The following ZNF724 variants were observed in gnomAD, a reference collection of about 807,000 sequenced individuals.
ZNF724 encodes zinc finger protein 724 pseudogene.
Under a neutral mutation model 29.3 loss-of-function variants are expected in ZNF724, and 14 were observed. The ratio of observed to expected loss-of-function variants is 0.48; its 90% CI spans 0.32 to 0.75. The LOEUF is 0.75. Ranked by LOEUF, ZNF724 falls within the 30% of genes least tolerant of loss-of-function variation. ZNF724 has a pLI of 0.04. For synonymous variants in ZNF724, 180 were observed against 193.6 expected, an observed-to-expected ratio of 0.93 and a Z score of 0.58; for missense variants, 557 against 571.2, an observed-to-expected ratio of 0.98 and a Z score of 0.25.
intron 1 of ZNF724, among the ~76,000 whole-genome samples, chr19:23,240,040 C>T (rs778528839): frequency 8.6e-5 from 13 of 151,990 alleles, no homozygotes; most frequent in Non-Finnish European, 1.8e-4. Context: ...GGCCAGGTGC[C>T]GTGACTCATG....
chr19:23,222,990 C>T lies in ZNF724; in HGVS notation c.1255G>A (p.Glu419Lys), dbSNP rs756403388. The part of the protein sequence containing the change: ...LTTHKRIHTG[E>K]KPYKCEECGK... ...CATTCTTCACATTTGTAGGGTTTCTCTCCGGTATGAATTCTTTTATGTGTG... is the reference window on the plus strand; with the variant it reads ...CATTCTTCACATTTGTAGGGTTTCTTTCCGGTATGAATTCTTTTATGTGTG... Residue 419 changes from glutamate (E) to lysine (K), a missense_variant, in exon 4 of 4, where the codon GAG becomes AAG. Around this residue, in one of 3 missense-constraint regions of ZNF724, gnomAD observed 362 missense variants for 295.5 expected, o/e 1.22. Transcript: ENST00000418100. 17 of 1,375,560 alleles carry T rather than the reference C, an allele frequency of 1.2e-5. No homozygotes were observed. The highest frequency in any genetic ancestry group is 1.8e-4 in the Middle Eastern group (1 of 5,620). 85.2% of individuals were successfully genotyped at this position (1,375,560 alleles called of 1,614,324 possible). A position where few individuals can be genotyped will look rare whatever the true frequency, so the allele number is the denominator to read the frequency against.
Position 23,231,347 on chromosome 19 carries a change from T to C in ZNF724, c.145A>G (p.Lys49Glu), listed in dbSNP as rs761642560. 3.6e-6 allele frequency: 5 copies of C among 1,383,650 alleles called. No homozygotes were observed. In the South Asian group the frequency reaches 4.7e-5, roughly 13 times the overall value. 85.7% of individuals were successfully genotyped at this position (1,383,650 alleles called of 1,614,324 possible). A position where few individuals can be genotyped will look rare whatever the true frequency, so the allele number is the denominator to read the frequency against. Reference sequence around the variant, plus strand: ...TCCAGACAGGTGATCAGGTCTGGCTTAGAGACAGCAATACCTGTTTTATTA... The same window carrying C: ...TCCAGACAGGTGATCAGGTCTGGCTCAGAGACAGCAATACCTGTTTTATTA... ...NLVFLGIAVS[K>E]PDLITCLEQG... Residue 49 changes from lysine (K) to glutamate (E), a missense_variant, in exon 3 of 4, where the codon AAG becomes GAG. Transcript: ENST00000418100.
intron 3 of ZNF724, among the ~76,000 whole-genome samples, chr19:23,228,032 C>G (rs1434053640): frequency 6.6e-6 from 1 of 152,142 alleles, no homozygotes; most frequent in Non-Finnish European, 1.5e-5. Context: ...AGCCAAGCAT[C>G]ATGTCTCACA....
At chr19:23,249,644 C>G (rs1389956681) in intron 1 of ZNF724, among the ~76,000 whole-genome samples, 1 of 152,088 alleles carries the variant, frequency 6.6e-6, no homozygotes, top group Non-Finnish European at 1.5e-5. Flanking sequence ...CGTAATCCGC[C>G]CACCTCGGCC....
chr19:23,231,826 C>T (rs1199251845), intron 2 of ZNF724, among the ~76,000 whole-genome samples: 2 of 151,894 alleles, frequency 1.3e-5, no homozygotes, highest in Non-Finnish European at 2.9e-5. Context: ...CTCCATCTCC[C>T]GGGTTCAAGT....
At chr19:23,227,555 C>CAAAAAAAA (rs1370441801) in intron 3 of ZNF724, among the ~76,000 whole-genome samples, 1,177 of 75,856 alleles carry the variant, frequency 0.016, 74 homozygotes, top group African/African-American at 0.048. Context: ...GGCTCCATCT[C>CAAAAAAAA]AAAAAAAAAA....
rs1198571467 is a variant in ZNF724, at chr19:23,223,887, C to T, written c.358G>A (p.Val120Met). The change falls in exon 4 of 4, where the codon GTG becomes ATG. Residue 120 changes from valine (V) to methionine (M), a missense_variant. Coordinates refer to ENST00000418100, the MANE Select transcript of ZNF724 (RefSeq NM_001355404.2). ...CCTTTGTGCACCTTGTACTCATCCA[C>T]ACTTTTATAGCCTTTTTTTAACTGT... ...NLQLKKGYKS[V>M]DEYKVHKGSY... The T allele has an allele frequency of 3.9e-6, 3 of 777,894 alleles. No individual in the cohort carries two copies. Among genetic ancestry groups the T allele is most frequent in the South Asian group, 1.3e-5 (1 of 74,176 alleles). 48.2% of individuals were successfully genotyped at this position (777,894 alleles called of 1,614,324 possible). A position where few individuals can be genotyped will look rare whatever the true frequency, so the allele number is the denominator to read the frequency against.
intron 3 of ZNF724, among the ~76,000 whole-genome samples, chr19:23,227,938 G>A (rs755188288): frequency 6.6e-5 from 10 of 151,936 alleles, no homozygotes; most frequent in Non-Finnish European, 7.4e-5. Context: ...TTAGTTTGAC[G>A]GAAAAATAAA....
chr19:23,226,011 G>T (rs1369194029), intron 3 of ZNF724, among the ~76,000 whole-genome samples: 1 of 149,428 alleles, frequency 6.7e-6, no homozygotes, highest in African/African-American at 2.5e-5. Context: ...CCCACCCCAT[G>T]CCTGGTTATT....
At position 23,249,404 on chromosome 19, in the gene ZNF724, C is replaced by CTT. The variant is rs34604063; in HGVS notation, c.3+834_3+835dup. 6.2e-3 allele frequency among the ~76,000 whole-genome samples: 907 copies of CTT among 146,124 alleles called. 4 individuals carry two copies. The highest frequency in any genetic ancestry group is 9.5e-3 in the Non-Finnish European group (630 of 66,544). ...TACAAGCATGCGCCACTATGCCCGGCTTTTTTTTTTTGAGACAGAGTCAAG... is the reference window on the plus strand; with the variant it reads ...TACAAGCATGCGCCACTATGCCCGGCTTTTTTTTTTTTTGAGACAGAGTCAAG... On this transcript the variant is annotated intron_variant, in intron 1 of 3. Transcript: ENST00000418100.
chr19:23,228,628 G>A (rs1214104745), intron 3 of ZNF724, among the ~76,000 whole-genome samples: 4 of 151,890 alleles, frequency 2.6e-5, no homozygotes, highest in Non-Finnish European at 5.9e-5. Flanking sequence ...GGCCGGGCAC[G>A]ATGGCTCACA....
chr19:23,223,984 T>A lies in ZNF724; in HGVS notation c.261A>T (p.Pro87=). The A allele has an allele frequency of 1.4e-6, 1 of 695,394 alleles. No homozygotes were observed. Among genetic ancestry groups the A allele is most frequent in the Non-Finnish European group, 2.6e-6 (1 of 383,986 alleles). The allele number at this position is 695,394 out of a possible 1,614,324, so 43.1% of individuals were successfully genotyped here. A position where few individuals can be genotyped will look rare whatever the true frequency, so the allele number is the denominator to read the frequency against. ...GCAAAGAAGCTTTTATGCTCTGCTC[T>A]GGCCGAAGGTCTTGGGCAAAATAAC... The part of the protein sequence containing the change: ...MCCYFAQDLR[P]EQSIKASLQR... Residue 87 remains proline, a synonymous_variant, in exon 4 of 4, where the codon CCA becomes CCT. Coordinates refer to ENST00000418100, the MANE Select transcript of ZNF724 (RefSeq NM_001355404.2).
rs569544800 is a variant in ZNF724 at position 23,232,120 on chromosome 19, G to A, written c.130+47C>T. 4.2e-5 allele frequency: 52 copies of A among 1,229,866 alleles called. No individual in the cohort carries two copies. In the South Asian group the frequency reaches 4.7e-4, roughly 11 times the overall value. 76.2% of individuals were successfully genotyped at this position (1,229,866 alleles called of 1,614,324 possible). The stretch of plus-strand genomic sequence containing the variant: ...AAAAACATCCTACAAAAAAACAAAC[G>A]AAATATTTAGGGTAGATTAGGAATT... On this transcript the variant is annotated intron_variant, in intron 2 of 3. Coordinates refer to ENST00000418100, the MANE Select transcript of ZNF724 (RefSeq NM_001355404.2).
At chr19:23,232,016 C>T (rs1399423785) in intron 2 of ZNF724, 151 bp downstream of exon 2, 2 of 734,178 alleles carry the variant, frequency 2.7e-6, no homozygotes, top group Non-Finnish European at 4.5e-6. Context: ...GGATTACAGG[C>T]ATAAGCCACC....
At chr19:23,227,060 C>T in intron 3 of ZNF724, among the ~76,000 whole-genome samples, 1 of 152,092 alleles carries the variant, frequency 6.6e-6, no homozygotes, top group Admixed American at 6.6e-5. Context: ...TTGACTGTAA[C>T]TGTGTACTCA....
chr19:23,245,730 G>C (rs1422635724), intron 1 of ZNF724, among the ~76,000 whole-genome samples: 1 of 151,442 alleles, frequency 6.6e-6, no homozygotes, highest in Non-Finnish European at 1.5e-5. Flanking sequence ...ACCCACCCTT[G>C]TCTGCCTAAC....
In ZNF724 at chr19:23,232,102, T is replaced by A. The variant is rs1029570991; in HGVS notation, c.130+65A>T. ...TGCAAAGATCAATTACCAAAAAACA[T>A]CCTACAAAAAAACAAACGAAATATT... is the stretch of plus-strand genomic sequence containing the variant. On this transcript the variant is annotated intron_variant, in intron 2 of 3. Coordinates refer to ENST00000418100, the MANE Select transcript of ZNF724 (RefSeq NM_001355404.2). 2.1e-5 allele frequency: 25 copies of A among 1,179,992 alleles called. No homozygotes were observed. The African/African-American group carries it at 2.8e-4, about 13-fold the overall frequency. The allele number at this position is 1,179,992 out of a possible 1,614,324, so 73.1% of individuals were successfully genotyped here.
intron 3 of ZNF724, among the ~76,000 whole-genome samples, chr19:23,230,400 C>CA (rs1337052947): frequency 6.6e-6 from 1 of 151,946 alleles, no homozygotes; most frequent in East Asian, 1.9e-4. Context: ...CTTGAAACTT[C>CA]AATAAACTCT....
intron 3 of ZNF724, among the ~76,000 whole-genome samples, chr19:23,229,228 T>C (rs1050369754): frequency 6.6e-6 from 1 of 151,978 alleles, no homozygotes; most frequent in African/African-American, 2.4e-5. Context: ...GACTGAAAAA[T>C]AGCCTACCCA....
Sources: allele counts gnomAD v4.1 joint callset (sites outside exome capture counted in the v4.1 genomes callset), GRCh38; gene constraint gnomAD v4.1.1; regional missense constraint gnomAD v4.1.1; transcripts MANE v1.5; gene names NCBI Gene and HGNC (gene_info 2026-07-23, HGNC 2026-07-21).